MAP3K8: variants seen among roughly 807,000 people sequenced by gnomAD.
The protein encoded by MAP3K8 is mitogen-activated protein kinase kinase kinase 8.
In MAP3K8, 22 loss-of-function variants were observed where a neutral mutation model predicts 45.8. The observed-to-expected ratio is 0.48, with a 90% CI of 0.34 to 0.69. The LOEUF (loss-of-function observed/expected upper bound fraction) is 0.69, where lower values mean the gene tolerates loss of function less well. MAP3K8 is among the 30% of genes least tolerant of loss of function. The probability of loss-of-function intolerance (pLI) is 0.01; values close to 1 mark genes in which losing one functional copy is unlikely to be tolerated. For missense variants in MAP3K8, 419 were observed against 585.0 expected, an observed-to-expected ratio of 0.72 and a Z score of 2.93; for synonymous variants, 223 against 214.3, an observed-to-expected ratio of 1.04 and a Z score of -0.36.
Position 30,434,392 on chromosome 10 carries a change from G to T in MAP3K8, c.-255+14G>T, listed in dbSNP as rs1835844253. ...CCAAGGCCGCAGGTAATCCAGGGTT[G>T]GGGGTCTCCGGCGTGTCTTTCGGGT... On this transcript the variant is annotated intron_variant, in intron 1 of 8. Coordinates refer to ENST00000263056, the MANE Select transcript of MAP3K8 (RefSeq NM_005204.4). The T allele has an allele frequency of 1.1e-6, 1 of 932,412 alleles. No homozygotes were observed. Among genetic ancestry groups the T allele is most frequent in the Non-Finnish European group, 1.3e-6 (1 of 781,662 alleles). The allele number at this position is 932,412 out of a possible 1,614,324, so 57.8% of individuals were successfully genotyped here.
At chr10:30,445,397 G>A (rs370133766) in intron 3 of MAP3K8, among the ~76,000 whole-genome samples, 3 of 152,260 alleles carry the variant, frequency 2.0e-5, no homozygotes, top group Admixed American at 6.5e-5. Flanking sequence ...GTGACAGGGC[G>A]AGACTCCGTC....
At chr10:30,441,642 C>T (rs1564365495) in intron 3 of MAP3K8, among the ~76,000 whole-genome samples, 1 of 152,148 alleles carries the variant, frequency 6.6e-6, no homozygotes, top group Non-Finnish European at 1.5e-5. Flanking sequence ...CTAGGCAAAT[C>T]GACCCAGTGG....
At chr10:30,458,021 A>C (rs1836796987) in intron 6 of MAP3K8, 63 bp from the exon 7 acceptor site, 3 of 1,346,066 alleles carry the variant, frequency 2.2e-6, no homozygotes, top group East Asian at 5.5e-5. Context: ...GAACTGGATT[A>C]GGGAAATGGA....
intron 3 of MAP3K8, among the ~76,000 whole-genome samples, chr10:30,443,626 C>G (rs1836194025): frequency 6.6e-6 from 1 of 152,180 alleles, no homozygotes; most frequent in Admixed American, 6.5e-5. Flanking sequence ...GCTAGCTTGG[C>G]CTTTGTGCTA....
intron 4 of MAP3K8, among the ~76,000 whole-genome samples, 178 bp from the exon 5 acceptor site, chr10:30,450,080 C>A (rs908707702): frequency 9.9e-5 from 15 of 152,150 alleles, no homozygotes; most frequent in Non-Finnish European, 2.1e-4. Flanking sequence ...AGCTGACTAA[C>A]ATAGTTAAAG....
intron 1 of MAP3K8, 81 bp downstream of exon 1, chr10:30,434,459 G>C: frequency 1.0e-6 from 1 of 985,644 alleles, no homozygotes; most frequent in Non-Finnish European, 1.2e-6. Flanking sequence ...ATGCAGAAAT[G>C]GAGGGTGCCC....
intron 6 of MAP3K8, among the ~76,000 whole-genome samples, chr10:30,455,700 C>T (rs1417267382): frequency 6.6e-6 from 1 of 152,196 alleles, no homozygotes; most frequent in East Asian, 1.9e-4. Flanking sequence ...CACACACGGT[C>T]TCTTTCCCTT....
Position 30,450,326 on chromosome 10 carries a change from A to G in MAP3K8, c.573A>G (p.Ala191=), listed in dbSNP as rs201649487. Residue 191 remains alanine, a synonymous_variant, in exon 5 of 9, where the codon GCA becomes GCG. Transcript: ENST00000263056. ...IQACFRHENI[A]ELYGAVLWGE... is the part of the protein sequence containing the mutation. ...CTTGCTTCCGGCACGAGAACATCGC[A>G]GAGCTGTATGGCGCAGTCCTGTGGG... 7.4e-6 allele frequency: 12 copies of G among 1,614,142 alleles called. No homozygotes were observed. In the Admixed American group the frequency reaches 1.8e-4, roughly 25 times the overall value.
chr10:30,434,904 C>T (rs1588758651), intron 1 of MAP3K8, among the ~76,000 whole-genome samples: 1 of 152,192 alleles, frequency 6.6e-6, no homozygotes, highest in East Asian at 1.9e-4. Flanking sequence ...ATGGCTGGAA[C>T]TAAATTCAAG....
In MAP3K8 at chr10:30,439,187, T is replaced by C. The variant is rs780469254; in HGVS notation, c.249T>C (p.Asp83=). The change falls in exon 3 of 9, where the codon GAT becomes GAC. Residue 83 remains aspartate, a synonymous_variant. Coordinates refer to ENST00000263056, the MANE Select transcript of MAP3K8 (RefSeq NM_005204.4). ...LSSVRYGTVE[D]LLAFANHISN... Reference sequence around the variant, plus strand: ...CAGTCAGATATGGAACTGTGGAGGATTTGCTTGCTTTTGCAAACCATATAT... The same window carrying C: ...CAGTCAGATATGGAACTGTGGAGGACTTGCTTGCTTTTGCAAACCATATAT... The C allele has an allele frequency of 1.5e-5, 24 of 1,614,202 alleles. No homozygotes were observed. Among genetic ancestry groups the C allele is most frequent in the Non-Finnish European group, 2.0e-5 (24 of 1,180,044 alleles).
chr10:30,447,986 T>G, intron 4 of MAP3K8, 37 bp downstream of exon 4: 1 of 1,555,274 alleles, frequency 6.4e-7, no homozygotes, highest in South Asian at 1.2e-5. Context: ...ACACTGTGTG[T>G]TTGGCATTCT....
Position 30,460,979 on chromosome 10 carries a change from C to A in MAP3K8, c.*143C>A. On this transcript the variant is annotated 3_prime_UTR_variant, in exon 9 of 9. Transcript: ENST00000263056. ...CTCCTGTGACCCGTGAATGTGCCTCCAAGCGGCCCTGTGTGTTTGACATGT... is the reference window on the plus strand; with the variant it reads ...CTCCTGTGACCCGTGAATGTGCCTCAAAGCGGCCCTGTGTGTTTGACATGT... The A allele has an allele frequency of 3.1e-6, 3 of 962,716 alleles. No individual in the cohort carries two copies. The highest frequency in any genetic ancestry group is 4.5e-6 in the Non-Finnish European group (3 of 666,698). The allele number at this position is 962,716 out of a possible 1,614,324, so 59.6% of individuals were successfully genotyped here.
At chr10:30,434,609 C>CCCTTCCTCCT in intron 1 of MAP3K8, 1 of 985,956 alleles carries the variant, frequency 1.0e-6, no homozygotes, top group Non-Finnish European at 1.2e-6. Context: ...CGACTCCTCC[C>CCCTTCCTCCT]CCTTCCTCCT....
rs550544519 is a variant in MAP3K8 at position 30,438,327 on chromosome 10, A to T, written c.-23-589A>T. 2.4e-4 allele frequency among the ~76,000 whole-genome samples: 37 copies of T among 152,356 alleles called. No homozygotes were observed. The South Asian group carries it at 7.2e-3, about 30-fold the overall frequency. On this transcript the variant is annotated intron_variant, in intron 2 of 8. Transcript: ENST00000263056. The stretch of plus-strand genomic sequence containing the variant: ...CCAATTAGCTGTTTAACTCATTTGC[A>T]TAAGAATCATTCCTGAAACTTGACC...
In MAP3K8 at chr10:30,458,253, C is replaced by CTG; in HGVS notation, c.1026+17_1026+18insTG. On this transcript the variant is annotated intron_variant, in intron 7 of 8. Coordinates refer to ENST00000263056, the MANE Select transcript of MAP3K8 (RefSeq NM_005204.4). ...CTGTACATAGTAAGTGGGGTTCAACCAGGGCTGGGGGCGGCGGGGGGGGGC... is the reference window on the plus strand; with the variant it reads ...CTGTACATAGTAAGTGGGGTTCAACCTGAGGGCTGGGGGCGGCGGGGGGGGGC... 1.7e-6 allele frequency: 1 copy of CTG among 599,138 alleles called. No individual in the cohort carries two copies. The allele number at this position is 599,138 out of a possible 1,614,324, so 37.1% of individuals were successfully genotyped here.
intron 6 of MAP3K8, among the ~76,000 whole-genome samples, chr10:30,457,019 G>A (rs1432589473): frequency 6.6e-6 from 1 of 151,992 alleles, no homozygotes; most frequent in African/African-American, 2.4e-5. Flanking sequence ...GGGAGGCAGA[G>A]GTTGCAGTGA....
At chr10:30,452,660 C>T (rs934804542) in intron 6 of MAP3K8, among the ~76,000 whole-genome samples, 1 of 151,476 alleles carries the variant, frequency 6.6e-6, no homozygotes, top group East Asian at 1.9e-4. Flanking sequence ...ATCATATCCA[C>T]AGTTCGGCTT....
chr10:30,460,686 T>C lies in MAP3K8; in HGVS notation c.1274-20T>C, dbSNP rs1836905899. On this transcript the variant is annotated intron_variant, in intron 8 of 8. Coordinates refer to ENST00000263056, the MANE Select transcript of MAP3K8 (RefSeq NM_005204.4). ...TGACACGTTTTCTTGTTACTTACTT[T>C]GTAATGTTTTCCTTTTCAGATTCTT... The C allele has an allele frequency of 2.5e-6, 4 of 1,593,124 alleles. No individual in the cohort carries two copies. Among genetic ancestry groups the C allele is most frequent in the Non-Finnish European group, 3.4e-6 (4 of 1,168,312 alleles).
intron 3 of MAP3K8, among the ~76,000 whole-genome samples, chr10:30,443,320 A>G (rs1037571729): frequency 6.6e-6 from 1 of 152,232 alleles, no homozygotes; most frequent in Non-Finnish European, 1.5e-5. Context: ...TGACCTGGTT[A>G]CACATAGTGA....
Sources: allele counts gnomAD v4.1 joint callset (sites outside exome capture counted in the v4.1 genomes callset), GRCh38; gene constraint gnomAD v4.1.1; transcripts MANE v1.5; gene names NCBI Gene and HGNC (gene_info 2026-07-23, HGNC 2026-07-21).